OR52K1: variants seen among roughly 807,000 people sequenced by gnomAD.
The protein encoded by OR52K1 is olfactory receptor family 52 subfamily K member 1.
A neutral mutation model predicts 8.7 loss-of-function variants in OR52K1; 10 were observed. The ratio of observed to expected loss-of-function variants is 1.15; its 90% CI spans 0.71 to 1.95. The LOEUF is 1.95. OR52K1 is among the 30% of genes most tolerant of loss of function. The pLI is 0.00. For missense variants in OR52K1, 431 were observed against 397.2 expected (o/e 1.08, Z -0.72); for synonymous variants, 203 against 148.5 (o/e 1.37, Z -2.67).
chr11:4,493,358 G>C lies in OR52K1; in HGVS notation c.*3513G>C, dbSNP rs1255283730. The C allele has an allele frequency of 6.6e-6, 1 of 152,194 alleles. No individual in the cohort carries two copies. The highest frequency in any genetic ancestry group is 1.5e-5 in the Non-Finnish European group (1 of 68,060). 9.4% of individuals were successfully genotyped at this position (152,194 alleles called of 1,614,324 possible). A position where few individuals can be genotyped will look rare whatever the true frequency, so the allele number is the denominator to read the frequency against. On this transcript the variant is annotated 3_prime_UTR_variant, in exon 2 of 2. Transcript: ENST00000641528. Reference sequence around the variant, plus strand: ...GTAACGGGTGTCTTCCCTAGGAACTGACTACTACTAGACCACAGTCCACTA... The same window carrying C: ...GTAACGGGTGTCTTCCCTAGGAACTCACTACTACTAGACCACAGTCCACTA...
rs1366451841 is a variant in OR52K1 at position 4,493,008 on chromosome 11, G to A, written c.*3163G>A. ...TAAGTCACGTGTCCACTGGACAGGG[G>A]GCCCTTCCCTGTTTGGCAGCCAAGA... is the stretch of plus-strand genomic sequence containing the variant. On this transcript the variant is annotated 3_prime_UTR_variant, in exon 2 of 2. Transcript: ENST00000641528. The A allele has an allele frequency of 6.5e-6, 1 of 154,162 alleles. No individual in the cohort carries two copies. The highest frequency in any genetic ancestry group is 1.4e-5 in the Non-Finnish European group (1 of 69,440). 9.5% of individuals were successfully genotyped at this position (154,162 alleles called of 1,614,324 possible).
rs548143360 is a variant in OR52K1, at chr11:4,492,399, C to T, written c.*2554C>T. On this transcript the variant is annotated 3_prime_UTR_variant, in exon 2 of 2. Transcript: ENST00000641528. ...ATCCATGGAGCAGATGTGAATCTGACTCACTGCCTGTAGCATAGTCATAAC... is the reference window on the plus strand; with the variant it reads ...ATCCATGGAGCAGATGTGAATCTGATTCACTGCCTGTAGCATAGTCATAAC... 4 of 152,222 alleles carry T rather than the reference C, an allele frequency of 2.6e-5. No individual in the cohort carries two copies. The highest frequency in any genetic ancestry group is 5.9e-5 in the Non-Finnish European group (4 of 68,038). The allele number at this position is 152,222 out of a possible 1,614,324, so 9.4% of individuals were successfully genotyped here.
Position 4,489,107 on chromosome 11 carries a change from A to T in OR52K1, c.207A>T (p.Ala69=). Residue 69 remains alanine, a synonymous_variant, in exon 2 of 2, where the codon GCA becomes GCT. Coordinates refer to ENST00000641528, the MANE Select transcript of OR52K1 (RefSeq NM_001005171.3). ...EPMYLFLAML[A]TIDLVLSSTT... ...TGTACCTCTTTCTGGCCATGTTGGC[A>T]ACCATTGACTTGGTTCTTTCTTCTA... 6.2e-7 allele frequency: 1 copy of T among 1,614,222 alleles called. No homozygotes were observed. The highest frequency in any genetic ancestry group is 8.5e-7 in the Non-Finnish European group (1 of 1,180,050).
rs758161248 is a variant in OR52K1, at chr11:4,489,384, C to T, written c.484C>T (p.Pro162Ser). The part of the protein sequence containing the change: ...ARAVTLMTPL[P>S]FLLRRFHYCR... The stretch of plus-strand genomic sequence containing the variant: ...GGCTGTGACACTAATGACTCCACTC[C>T]CCTTCCTGCTCAGACGCTTCCACTA... The change falls in exon 2 of 2, where the codon CCC becomes TCC. Residue 162 changes from proline (P) to serine (S), a missense_variant. Transcript: ENST00000641528. 1 of 1,614,216 alleles carries T rather than the reference C, an allele frequency of 6.2e-7. No individual in the cohort carries two copies.
At chr11:4,484,879 C>T (rs147303008) in intron 1 of OR52K1, among the ~76,000 whole-genome samples, 167 of 149,418 alleles carry the variant, frequency 1.1e-3, no homozygotes, top group African/African-American at 4.0e-3. Flanking sequence ...CAGTTGACTT[C>T]GCTTTCCATT....
intron 1 of OR52K1, among the ~76,000 whole-genome samples, chr11:4,488,016 TCTC>T (rs1179903253): frequency 2.0e-5 from 3 of 152,102 alleles, no homozygotes; most frequent in African/African-American, 7.2e-5. Flanking sequence ...GAGAGCAAAT[TCTC>T]CTGTGACAAA....
Position 4,489,019 on chromosome 11 carries a change from C to T in OR52K1, c.119C>T (p.Ala40Val). Residue 40 changes from alanine (A) to valine (V), a missense_variant, in exon 2 of 2, where the codon GCC (alanine) becomes GTC (valine). Ala to Val is a moderately conservative substitution (Grantham distance 64). Coordinates refer to ENST00000641528, the MANE Select transcript of OR52K1 (RefSeq NM_001005171.3). ...CCCTTCTGCTTTGCTTATACTCTGG[C>T]CCTGCTAGGCAACTGTACCCTTCTC... ...SIPFCFAYTLALLGNCTLLFI... is the reference protein window; with the variant it reads ...SIPFCFAYTLVLLGNCTLLFI... 1.2e-6 allele frequency: 2 copies of T among 1,614,130 alleles called. No individual in the cohort carries two copies. Among genetic ancestry groups the T allele is most frequent in the African/African-American group, 1.3e-5 (1 of 75,042 alleles).
chr11:4,489,367 C>G lies in OR52K1; in HGVS notation c.467C>G (p.Thr156Arg). The G allele has an allele frequency of 6.2e-7, 1 of 1,614,186 alleles. No individual in the cohort carries two copies. The highest frequency in any genetic ancestry group is 8.5e-7 in the Non-Finnish European group (1 of 1,180,036). Residue 156 changes from threonine to arginine, a missense_variant, in exon 2 of 2, where the codon ACA becomes AGA. Transcript: ENST00000641528. ...IGMAAVARAV[T>R]LMTPLPFLLR... Reference sequence around the variant, plus strand: ...ATGGCTGCTGTGGCCCGGGCTGTGACACTAATGACTCCACTCCCCTTCCTG... The same window carrying G: ...ATGGCTGCTGTGGCCCGGGCTGTGAGACTAATGACTCCACTCCCCTTCCTG...
rs1293919077 is a variant in OR52K1 at position 4,483,031 on chromosome 11, T to C, written c.-474T>C. On this transcript the variant is annotated 5_prime_UTR_variant, in exon 1 of 2. Transcript: ENST00000641528. ...TGGGCCATCTCCAAGAAGTCTTAGT[T>C]GATTATTCCAGTTTGGATCTGTCAC... 2 of 397,388 alleles carry C rather than the reference T, an allele frequency of 5.0e-6. No homozygotes were observed. Among genetic ancestry groups the C allele is most frequent in the Non-Finnish European group, 8.9e-6 (2 of 225,380 alleles). The allele number at this position is 397,388 out of a possible 1,614,324, so 24.6% of individuals were successfully genotyped here. A position where few individuals can be genotyped will look rare whatever the true frequency, so the allele number is the denominator to read the frequency against.
At chr11:4,487,552 G>A (rs905117961) in intron 1 of OR52K1, among the ~76,000 whole-genome samples, 1 of 152,148 alleles carries the variant, frequency 6.6e-6, no homozygotes, top group Non-Finnish European at 1.5e-5. Context: ...GCTGGATGCA[G>A]GTTGCATATA....
chr11:4,484,325 A>G (rs1360938151), intron 1 of OR52K1, among the ~76,000 whole-genome samples: 2 of 152,108 alleles, frequency 1.3e-5, no homozygotes, highest in Non-Finnish European at 2.9e-5. Flanking sequence ...AACAAGGGTG[A>G]TGGTGTTGGA....
rs767706782 is a variant in OR52K1 at position 4,489,360 on chromosome 11, G to T, written c.460G>T (p.Ala154Ser). The change falls in exon 2 of 2, where the codon GCT becomes TCT. Residue 154 changes from alanine (A) to serine (S), a missense_variant. Coordinates refer to ENST00000641528, the MANE Select transcript of OR52K1 (RefSeq NM_001005171.3). ...TKIGMAAVARAVTLMTPLPFL... is the reference protein window; with the variant it reads ...TKIGMAAVARSVTLMTPLPFL... ...GATTGGCATGGCTGCTGTGGCCCGG[G>T]CTGTGACACTAATGACTCCACTCCC... The T allele has an allele frequency of 2.5e-6, 4 of 1,614,164 alleles. No homozygotes were observed. The highest frequency in any genetic ancestry group is 3.4e-6 in the Non-Finnish European group (4 of 1,180,032).
Position 4,488,636 on chromosome 11 carries a change from G to T in OR52K1, c.-265G>T. On this transcript the variant is annotated 5_prime_UTR_variant, in exon 2 of 2. Transcript: ENST00000641528. The stretch of plus-strand genomic sequence containing the variant: ...TATACTCCATTCCTTTATGAAAGTT[G>T]TCTTAGAATATTAAATATCCATAGA... 1 of 435,978 alleles carries T rather than the reference G, an allele frequency of 2.3e-6. No individual in the cohort carries two copies. The highest frequency in any genetic ancestry group is 4.1e-6 in the Non-Finnish European group (1 of 245,474). The allele number at this position is 435,978 out of a possible 1,614,324, so 27.0% of individuals were successfully genotyped here. A position where few individuals can be genotyped will look rare whatever the true frequency, so the allele number is the denominator to read the frequency against.
Sources: gnomAD v4.1 joint callset for allele counts (sites outside exome capture counted in the v4.1 genomes callset) on GRCh38, gnomAD v4.1.1 for gene constraint, MANE v1.5 for transcripts, NCBI Gene and HGNC (gene_info 2026-07-23, HGNC 2026-07-21) for gene names.